Variants in PCAT7 observed in about 807,000 individuals in gnomAD.
PCAT7 encodes the protein prostate cancer associated transcript 7.
chr9:94,572,965 T>C (rs1827284406), intron 2 of PCAT7: 3 of 152,110 alleles, frequency 2.0e-5, no homozygotes, highest in Admixed American at 2.0e-4. Context: ...AGTGTTTTGG[T>C]TTTCTGTTTG....
intron 2 of PCAT7, chr9:94,563,497 G>C: frequency 6.2e-7 from 1 of 1,601,794 alleles, no homozygotes; most frequent in Non-Finnish European, 8.5e-7. Flanking sequence ...AGATCCAGTG[G>C]CTTTCAGGAT....
exon 2 of PCAT7, chr9:94,559,061 C>G: frequency 6.2e-7 from 1 of 1,614,060 alleles, no homozygotes; most frequent in East Asian, 2.2e-5. Flanking sequence ...CAGGCTGGGT[C>G]CCCGTGGTCG....
intron 2 of PCAT7, among the ~76,000 whole-genome samples, chr9:94,565,149 G>A (rs1199599915): frequency 6.6e-6 from 1 of 152,124 alleles, no homozygotes; most frequent in Non-Finnish European, 1.5e-5. Flanking sequence ...CAAGGCAGGT[G>A]GATCACCTGT....
intron 2 of PCAT7, among the ~76,000 whole-genome samples, chr9:94,560,946 G>A (rs1383408055): frequency 6.6e-6 from 1 of 152,028 alleles, no homozygotes; most frequent in Non-Finnish European, 1.5e-5. Flanking sequence ...TCTTAAAGTA[G>A]TGGGTGTCCA....
chr9:94,562,286 G>A (rs1587836017), intron 2 of PCAT7, among the ~76,000 whole-genome samples: 1 of 148,278 alleles, frequency 6.7e-6, no homozygotes, highest in Admixed American at 6.7e-5. Flanking sequence ...CTCCAGCCTG[G>A]GCGACAGAGC....
At chr9:94,568,163 TTA>T (rs1277796884) in intron 2 of PCAT7, 2 of 152,084 alleles carry the variant, frequency 1.3e-5, no homozygotes, top group African/African-American at 4.8e-5. Flanking sequence ...GTTATTTTGT[TTA>T]TGTTAGTGAT....
chr9:94,561,584 C>G (rs1827104211), intron 2 of PCAT7, among the ~76,000 whole-genome samples: 1 of 151,958 alleles, frequency 6.6e-6, no homozygotes, highest in Non-Finnish European at 1.5e-5. Context: ...CCAGGATGGT[C>G]TCGATCTTCT....
chr9:94,556,880 G>C (rs1827020717), intron 1 of PCAT7, among the ~76,000 whole-genome samples: 1 of 152,194 alleles, frequency 6.6e-6, no homozygotes, highest in African/African-American at 2.4e-5. Flanking sequence ...TAATGGCCTA[G>C]ATGTATTCTT....
intron 2 of PCAT7, among the ~76,000 whole-genome samples, chr9:94,560,737 CATATA>C (rs963385793): frequency 1.4e-4 from 20 of 146,930 alleles, no homozygotes; most frequent in African/African-American, 4.5e-4. Context: ...TATATATTTA[CATATA>C]ATATGTTATA....
intron 2 of PCAT7, chr9:94,567,660 CTTCT>C (rs1827210984): frequency 2.3e-6 from 1 of 433,746 alleles, no homozygotes; most frequent in Non-Finnish European, 4.1e-6. Context: ...AGCCCATAGT[CTTCT>C]TTCTTTTCCT....
chr9:94,561,352 ATTTTTTTT>A (rs1174386595), intron 2 of PCAT7, among the ~76,000 whole-genome samples: 51 of 54,988 alleles, frequency 9.3e-4, no homozygotes, highest in Middle Eastern at 0.018. Context: ...TGTGACCTGT[ATTTTTTTT>A]TTTTTTTTTT....
chr9:94,568,493 G>C (rs1299584292), intron 2 of PCAT7: 1 of 152,174 alleles, frequency 6.6e-6, no homozygotes, highest in Non-Finnish European at 1.5e-5. Context: ...AGGAAAACCA[G>C]AGCCTGGAAA....
intron 1 of PCAT7, among the ~76,000 whole-genome samples, chr9:94,557,024 G>GT (rs146617458): frequency 0.042 from 6,386 of 152,138 alleles, 188 homozygotes; most frequent in Middle Eastern, 0.11. Flanking sequence ...TCTCTATTCT[G>GT]TTTCACTTGT....
chr9:94,574,577 C>T (rs559996191), intron 3 of PCAT7, among the ~76,000 whole-genome samples: 10 of 152,170 alleles, frequency 6.6e-5, no homozygotes, highest in African/African-American at 9.6e-5. Flanking sequence ...ATATTTTCCT[C>T]GATTGTCATT....
intron 2 of PCAT7, among the ~76,000 whole-genome samples, chr9:94,565,770 T>C (rs200345521): frequency 6.8e-6 from 1 of 148,044 alleles, no homozygotes; most frequent in East Asian, 2.3e-4. Flanking sequence ...GATACATAGA[T>C]GATAGATAGA....
At chr9:94,559,842 G>C (rs1184436778) in intron 2 of PCAT7, among the ~76,000 whole-genome samples, 1 of 152,034 alleles carries the variant, frequency 6.6e-6, no homozygotes, top group East Asian at 1.9e-4. Flanking sequence ...CAGTAGTGCC[G>C]ACACAGAGAA....
chr9:94,556,080 G>A (rs567735207), intron 1 of PCAT7, among the ~76,000 whole-genome samples: 18 of 151,440 alleles, frequency 1.2e-4, no homozygotes, highest in African/African-American at 4.1e-4. Context: ...TTGGGTAGAT[G>A]GAGAAGGGAA....
intron 3 of PCAT7, among the ~76,000 whole-genome samples, chr9:94,573,713 T>C (rs544042528): frequency 1.2e-4 from 19 of 152,346 alleles, no homozygotes; most frequent in African/African-American, 4.6e-4. Flanking sequence ...TTATGTATTG[T>C]TGAATTCTAT....
chr9:94,568,183 T>C (rs967980492), intron 2 of PCAT7: 2 of 151,890 alleles, frequency 1.3e-5, no homozygotes, highest in African/African-American at 4.8e-5. Context: ...GATTCAATCA[T>C]AGAAACTATT....
Sources: allele counts gnomAD v4.1 joint callset (sites outside exome capture counted in the v4.1 genomes callset), GRCh38; gene constraint gnomAD v4.1.1; transcripts MANE v1.5; gene names NCBI Gene and HGNC (gene_info 2026-07-23, HGNC 2026-07-21).